NPAS3: variants seen among roughly 807,000 people sequenced by gnomAD.
The protein encoded by NPAS3 is neuronal PAS domain-containing protein 3.
Under a neutral mutation model 73.1 loss-of-function variants are expected in NPAS3, and 14 were observed. The ratio of observed to expected loss-of-function variants is 0.19; its 90% CI spans 0.13 to 0.30. The LOEUF is 0.30. Ranked by LOEUF, NPAS3 falls within the 10% of genes least tolerant of loss-of-function variation. The pLI is 1.00. For missense variants in NPAS3, 1,096 were observed against 1,250.0 expected (o/e 0.88, Z 1.86); for synonymous variants, 620 against 541.5 (o/e 1.14, Z -2.01).
At chr14:33,335,033 T>TGTGTGC (rs1555375974) in intron 3 of NPAS3, among the ~76,000 whole-genome samples, 2 of 54,368 alleles carry the variant, frequency 3.7e-5, no homozygotes, top group Non-Finnish European at 7.0e-5. Context: ...TATTCCATTG[T>TGTGTGC]GTGTGTGTGC....
chr14:33,042,093 G>T (rs1326171287), intron 1 of NPAS3, among the ~76,000 whole-genome samples: 1 of 152,182 alleles, frequency 6.6e-6, no homozygotes, highest in Non-Finnish European at 1.5e-5. Flanking sequence ...GCCGGTTTCA[G>T]TACCAGATAG....
upstream of NPAS3, among the ~76,000 whole-genome samples, chr14:32,937,720 A>G (rs1360788866): frequency 6.6e-6 from 1 of 152,054 alleles, no homozygotes; most frequent in Non-Finnish European, 1.5e-5. Context: ...TTTTTTTCTT[A>G]AGCTTAAAGT....
At chr14:32,952,565 A>G (rs1245273752) in intron 1 of NPAS3, among the ~76,000 whole-genome samples, 1 of 152,118 alleles carries the variant, frequency 6.6e-6, no homozygotes, top group Non-Finnish European at 1.5e-5. Flanking sequence ...TCCCCTGGAA[A>G]CAATGTCTCA....
intron 3 of NPAS3, among the ~76,000 whole-genome samples, chr14:33,229,980 C>T (rs375111417): frequency 1.4e-4 from 21 of 152,298 alleles, no homozygotes; most frequent in African/African-American, 3.8e-4. Context: ...AGCCCTGAAA[C>T]GAGGTAAGGC....
At chr14:33,767,176 G>C (rs1195427698) in intron 7 of NPAS3, among the ~76,000 whole-genome samples, 1 of 152,208 alleles carries the variant, frequency 6.6e-6, no homozygotes, top group Non-Finnish European at 1.5e-5. Flanking sequence ...TGGCAAGAGT[G>C]AGACAGAAGC....
intron 2 of NPAS3, among the ~76,000 whole-genome samples, chr14:33,148,024 A>T (rs2044309306): frequency 6.6e-6 from 1 of 152,040 alleles, no homozygotes; most frequent in Non-Finnish European, 1.5e-5. Flanking sequence ...GTCTTCAAGA[A>T]ACCAATAGAA....
At chr14:33,065,768 C>T (rs1174269977) in intron 2 of NPAS3, among the ~76,000 whole-genome samples, 2 of 151,890 alleles carry the variant, frequency 1.3e-5, no homozygotes, top group Admixed American at 6.6e-5. Context: ...CTAGCAATTC[C>T]CATTACTTGC....
At chr14:33,151,387 C>T (rs1410599612) in intron 2 of NPAS3, among the ~76,000 whole-genome samples, 1 of 152,178 alleles carries the variant, frequency 6.6e-6, no homozygotes, top group Non-Finnish European at 1.5e-5. Context: ...CACAAAAGAA[C>T]ATGTAGCCTC....
At chr14:33,514,515 C>CTT (rs2053210489) in intron 4 of NPAS3, among the ~76,000 whole-genome samples, 1 of 151,850 alleles carries the variant, frequency 6.6e-6, no homozygotes, top group Non-Finnish European at 1.5e-5. Context: ...CCTAAAAAGG[C>CTT]ATAAGTAAGT....
chr14:33,416,467 A>G (rs571809599), intron 4 of NPAS3, among the ~76,000 whole-genome samples: 1 of 151,952 alleles, frequency 6.6e-6, no homozygotes, highest in Non-Finnish European at 1.5e-5. Flanking sequence ...TATCTTCAAC[A>G]CAAATAACAT....
chr14:33,041,809 T>C (rs1037788546), intron 1 of NPAS3, among the ~76,000 whole-genome samples: 3 of 151,990 alleles, frequency 2.0e-5, no homozygotes, highest in African/African-American at 7.3e-5. Flanking sequence ...AAAACAGGAA[T>C]TAGGGATGGG....
chr14:33,229,157 C>T (rs1014326639), intron 3 of NPAS3, among the ~76,000 whole-genome samples: 1 of 152,134 alleles, frequency 6.6e-6, no homozygotes, highest in Admixed American at 6.5e-5. Context: ...ACTACTCATG[C>T]ATATCTCTGT....
At chr14:33,020,007 T>C (rs2039537220) in intron 1 of NPAS3, among the ~76,000 whole-genome samples, 1 of 152,242 alleles carries the variant, frequency 6.6e-6, no homozygotes, top group Non-Finnish European at 1.5e-5. Context: ...ATTATTTTCA[T>C]GAATAAGTTG....
At chr14:33,459,776 T>C (rs530769917) in intron 4 of NPAS3, among the ~76,000 whole-genome samples, 1 of 152,334 alleles carries the variant, frequency 6.6e-6, no homozygotes, top group Non-Finnish European at 1.5e-5. Flanking sequence ...GATTGCATAA[T>C]CTGCTCCCTG....
chr14:33,801,451 G>C, downstream of NPAS3: 1 of 313,914 alleles, frequency 3.2e-6, no homozygotes, highest in Non-Finnish European at 6.0e-6. Flanking sequence ...GGTCAAGAGA[G>C]TTCTCAAGTG....
At chr14:33,211,837 G>A (rs1274625037) in intron 2 of NPAS3, among the ~76,000 whole-genome samples, 2 of 152,144 alleles carry the variant, frequency 1.3e-5, no homozygotes, top group African/African-American at 2.4e-5. Flanking sequence ...GATTCATGAA[G>A]AATCTCTTTT....
At chr14:33,035,277 T>A (rs1449296944) in intron 1 of NPAS3, among the ~76,000 whole-genome samples, 1 of 152,236 alleles carries the variant, frequency 6.6e-6, no homozygotes, top group African/African-American at 2.4e-5. Flanking sequence ...TGATTTGTTT[T>A]TATGTGTGTT....
chr14:33,498,957 TG>T (rs2052375997), intron 4 of NPAS3, among the ~76,000 whole-genome samples: 2 of 148,690 alleles, frequency 1.3e-5, no homozygotes, highest in Non-Finnish European at 3.0e-5. Flanking sequence ...TGTGTGTGTG[TG>T]TGTGTGTGTG....
chr14:33,480,782 G>A (rs930789115), intron 4 of NPAS3, among the ~76,000 whole-genome samples: 2 of 151,878 alleles, frequency 1.3e-5, no homozygotes, highest in African/African-American at 4.8e-5. Flanking sequence ...TCAGTAAAAT[G>A]TCATGGAGGT....
Sources: allele counts gnomAD v4.1 joint callset (sites outside exome capture counted in the v4.1 genomes callset), GRCh38; gene constraint gnomAD v4.1.1; transcripts MANE v1.5; gene names NCBI Gene and HGNC (gene_info 2026-07-23, HGNC 2026-07-21).